The following PPP1R1C variants were observed in gnomAD, a reference collection of about 807,000 sequenced individuals.
PPP1R1C encodes the protein protein phosphatase 1 regulatory subunit 1C.
In PPP1R1C, 15 loss-of-function variants were observed where a neutral mutation model predicts 17.4. That is an observed-to-expected ratio of 0.86 (90% CI 0.58 to 1.33). PPP1R1C has a LOEUF of 1.33. PPP1R1C is among the 40% of genes most tolerant of loss of function. The pLI is 0.00. For missense variants in PPP1R1C, 143 were observed against 130.0 expected (o/e 1.10, Z -0.48); for synonymous variants, 35 against 43.1 (o/e 0.81, Z 0.73).
chr2:182,023,190 C>G (rs762812446), intron 2 of PPP1R1C, among the ~76,000 whole-genome samples: 3 of 152,046 alleles, frequency 2.0e-5, no homozygotes, highest in Non-Finnish European at 4.4e-5. Flanking sequence ...CTCAGTGATG[C>G]AGAAATACTG....
chr2:182,114,796 G>A (rs1689534749), intron 4 of PPP1R1C, among the ~76,000 whole-genome samples: 1 of 152,122 alleles, frequency 6.6e-6, no homozygotes, highest in African/African-American at 2.4e-5. Flanking sequence ...ATTTGTCCAA[G>A]CGAGTGATTT....
chr2:182,072,744 C>G (rs946987636), intron 4 of PPP1R1C, among the ~76,000 whole-genome samples: 2 of 152,176 alleles, frequency 1.3e-5, no homozygotes, highest in African/African-American at 4.8e-5. Flanking sequence ...AATGTTTTTA[C>G]AAAATGCTTG....
rs1684686679 is a variant in PPP1R1C at position 181,957,327 on chromosome 2, AACCTGG to A, written n.111+2694_111+2699del. Among the ~76,000 whole-genome samples, 3 of 152,170 alleles carry A rather than the reference AACCTGG, an allele frequency of 2.0e-5. No individual in the cohort carries two copies. The highest frequency in any genetic ancestry group is 2.0e-4 in the Admixed American group (3 of 15,282). On this transcript the variant is annotated intron_variant and non_coding_transcript_variant, in intron 1 of 5. Coordinates refer to the PPP1R1C transcript ENST00000464264. This position sits in a 1 kb window ranked among gnomAD's most constrained non-coding sequence, Gnocchi z 4.2. ...AGCCGAGGTAGCGCCACTGCACTTC[AACCTGG>A]GCGACAGAGTGAGACTCTGTCTTAA...
At chr2:181,994,806 A>G (rs1366802472) in intron 2 of PPP1R1C, among the ~76,000 whole-genome samples, 1 of 152,106 alleles carries the variant, frequency 6.6e-6, no homozygotes, top group African/African-American at 2.4e-5. Context: ...CTGAAACCAC[A>G]GTAAAGCTAA....
chr2:182,046,541 C>T (rs1687352305), intron 2 of PPP1R1C, among the ~76,000 whole-genome samples: 1 of 146,988 alleles, frequency 6.8e-6, no homozygotes, highest in Non-Finnish European at 1.5e-5. Context: ...TCCTGGCCAA[C>T]ATGGTGAAAC....
At chr2:182,055,734 T>C (rs1019284462) in intron 2 of PPP1R1C, among the ~76,000 whole-genome samples, 2 of 152,220 alleles carry the variant, frequency 1.3e-5, no homozygotes, top group Admixed American at 1.3e-4. Context: ...TGAGAAATTA[T>C]GCTTTCTTCT....
At chr2:182,078,511 G>A (rs1360921015) in intron 4 of PPP1R1C, among the ~76,000 whole-genome samples, 1 of 152,100 alleles carries the variant, frequency 6.6e-6, no homozygotes, top group Non-Finnish European at 1.5e-5. Context: ...TGAAGGAGTG[G>A]CAAATGAAAG....
chr2:182,026,828 C>T (rs1468651912), intron 2 of PPP1R1C, among the ~76,000 whole-genome samples: 1 of 150,672 alleles, frequency 6.6e-6, no homozygotes, highest in African/African-American at 2.5e-5. Context: ...GATATTGATT[C>T]TTCCTACCCA....
intron 2 of PPP1R1C, among the ~76,000 whole-genome samples, chr2:182,033,894 G>C (rs1686921442): frequency 1.3e-5 from 2 of 152,274 alleles, no homozygotes; most frequent in South Asian, 4.1e-4. Flanking sequence ...ACGCAGAAAA[G>C]TTTTAGAAAT....
chr2:182,033,386 C>T (rs1382748377), intron 2 of PPP1R1C, among the ~76,000 whole-genome samples: 3 of 152,150 alleles, frequency 2.0e-5, no homozygotes, highest in South Asian at 2.1e-4. Context: ...GATCTTTAGA[C>T]GTCCATGTTT....
At position 181,987,905 on chromosome 2, in the gene PPP1R1C, G is replaced by A. The variant is rs754846197; in HGVS notation, c.142+6G>A. On this transcript the variant is annotated splice_donor_region_variant and intron_variant, in intron 2 of 4. Transcript: ENST00000682840. ...CAATGAGCATAACCCCCCAGGTAAA[G>A]AAGCATGATGTGTTTCACACTGATG... The A allele has an allele frequency of 6.2e-7, 1 of 1,608,824 alleles. No individual in the cohort carries two copies. Among genetic ancestry groups the A allele is most frequent in the Non-Finnish European group, 8.5e-7 (1 of 1,175,836 alleles).
At chr2:182,087,012 C>CT (rs1688647848) in intron 4 of PPP1R1C, among the ~76,000 whole-genome samples, 1 of 152,068 alleles carries the variant, frequency 6.6e-6, no homozygotes, top group African/African-American at 2.4e-5. Context: ...ACACTTTAGT[C>CT]TTTTTTATAT....
intron 2 of PPP1R1C, among the ~76,000 whole-genome samples, chr2:182,035,637 A>G (rs1686980642): frequency 6.6e-6 from 1 of 152,020 alleles, no homozygotes; most frequent in South Asian, 2.1e-4. Flanking sequence ...TGGTTGTTTG[A>G]AAGTGTGTAG....
intron 2 of PPP1R1C, among the ~76,000 whole-genome samples, chr2:182,029,841 C>T (rs1246962008): frequency 5.4e-5 from 2 of 36,910 alleles, no homozygotes; most frequent in Non-Finnish European, 1.0e-4. Flanking sequence ...CCATCACTTT[C>T]AGGTACACCA....
intron 2 of PPP1R1C, among the ~76,000 whole-genome samples, chr2:182,056,944 C>T (rs1687700888): frequency 6.6e-6 from 1 of 152,090 alleles, no homozygotes; most frequent in Non-Finnish European, 1.5e-5. Context: ...GAACCTAGTA[C>T]ATTGATTTTT....
chr2:181,960,264 A>G (rs1457373585), intron 1 of PPP1R1C, among the ~76,000 whole-genome samples: 1 of 152,202 alleles, frequency 6.6e-6, no homozygotes, highest in Non-Finnish European at 1.5e-5. Context: ...TATAAATTAC[A>G]GAAAACAACA....
intron 4 of PPP1R1C, among the ~76,000 whole-genome samples, chr2:182,077,778 A>T (rs369278243): frequency 6.6e-6 from 1 of 152,200 alleles, no homozygotes; most frequent in African/African-American, 2.4e-5. Flanking sequence ...AGCACTTCAC[A>T]CTCAGTGCTT....
At chr2:182,076,181 CTTTTTTTTTTCTTTTCTTTTTT>C (rs1688293468) in intron 4 of PPP1R1C, among the ~76,000 whole-genome samples, 6 of 47,486 alleles carry the variant, frequency 1.3e-4, no homozygotes, top group Admixed American at 4.3e-4. Flanking sequence ...GGATTTTGAA[CTTTTTTTTTTCTTTTCTTTTTT>C]TTTTTTTTTT....
intron 2 of PPP1R1C, among the ~76,000 whole-genome samples, chr2:182,024,656 A>G (rs1686536936): frequency 6.6e-6 from 1 of 152,090 alleles, no homozygotes; most frequent in Non-Finnish European, 1.5e-5. Context: ...CAGGAGTTCG[A>G]GACCAGCCTG....
Sources: gnomAD v4.1 joint callset for allele counts (sites outside exome capture counted in the v4.1 genomes callset) on GRCh38, gnomAD v4.1.1 for gene constraint, Gnocchi (gnomAD v3.1) non-coding constraint, MANE v1.5 for transcripts, NCBI Gene and HGNC (gene_info 2026-07-23, HGNC 2026-07-21) for gene names.